MAP3K12: variants seen among roughly 807,000 people sequenced by gnomAD.
MAP3K12 encodes mitogen-activated protein kinase kinase kinase 12.
Under a neutral mutation model 87.5 loss-of-function variants are expected in MAP3K12, and 14 were observed. The ratio of observed to expected loss-of-function variants is 0.16; its 90% confidence interval spans 0.11 to 0.25. MAP3K12 has a LOEUF of 0.25. Ranked by LOEUF, MAP3K12 falls within the 10% of genes least tolerant of loss-of-function variation. MAP3K12 has a pLI of 1.00. For synonymous variants in MAP3K12, 469 were observed against 452.5 expected (o/e 1.04, Z -0.46); for missense variants, 802 against 1,140.4 (o/e 0.70, Z 4.27).
Position 53,485,325 on chromosome 12 carries a change from G to C in MAP3K12, c.972C>G (p.Val324=), listed in dbSNP as rs758013261. The C allele has an allele frequency of 2.0e-5, 32 of 1,613,480 alleles. No homozygotes were observed. The highest frequency in any genetic ancestry group is 2.7e-5 in the Non-Finnish European group (32 of 1,179,692). ...TTCAGCCTAGTTCTCACCAGATGTC[G>C]ACCTTCTCAGACACAGGTTCATTGC... ...VIRNEPVSEK[V]DIWSFGVVLW... Residue 324 remains valine (V), a synonymous_variant, in exon 5 of 14, where the codon GTC becomes GTG. Transcript: ENST00000547488.
chr12:53,501,336 C>A, upstream of MAP3K12: 1 of 1,533,216 alleles, frequency 6.5e-7, no homozygotes, highest in Non-Finnish European at 8.8e-7. Flanking sequence ...GGCCCCGGCC[C>A]TAGCTCGTCG....
Position 53,481,291 on chromosome 12 carries a change from G to A in MAP3K12, c.2581-11C>T, listed in dbSNP as rs1943029723. The A allele has an allele frequency of 6.7e-7, 1 of 1,496,484 alleles. No individual in the cohort carries two copies. The allele number at this position is 1,496,484 out of a possible 1,614,324, so 92.7% of individuals were successfully genotyped here. A position where few individuals can be genotyped will look rare whatever the true frequency, so the allele number is the denominator to read the frequency against. ...AGAATTGGGAGGGCCCTGTGAGAAA[G>A]AGTAGAAATGGAGTGAGATTCCTTG... On this transcript the variant is annotated splice_polypyrimidine_tract_variant and intron_variant, in intron 13 of 13. Coordinates refer to ENST00000547488, the MANE Select transcript of MAP3K12 (RefSeq NM_001193511.2).
chr12:53,487,567 C>A, intron 1 of MAP3K12, 139 bp from the exon 2 acceptor site: 1 of 781,758 alleles, frequency 1.3e-6, no homozygotes, highest in Non-Finnish European at 2.0e-6. Context: ...CTCCGTTTCC[C>A]ATGGCCCTCC....
rs1350090577 is a variant in MAP3K12 at position 53,480,980 on chromosome 12, T to C, written c.*202A>G. Reference sequence around the variant, plus strand: ...TTGCCCTTAGCCACAGCTCTACGGCTGTGCCTCATTCATTTCCACAGCTGC... The same window carrying C: ...TTGCCCTTAGCCACAGCTCTACGGCCGTGCCTCATTCATTTCCACAGCTGC... On this transcript the variant is annotated 3_prime_UTR_variant, in exon 14 of 14. Transcript: ENST00000547488. 5 of 187,946 alleles carry C rather than the reference T, an allele frequency of 2.7e-5. No homozygotes were observed. Among genetic ancestry groups the C allele is most frequent in the Non-Finnish European group, 5.3e-5 (5 of 94,396 alleles). 11.6% of individuals were successfully genotyped at this position (187,946 alleles called of 1,614,324 possible). A position where few individuals can be genotyped will look rare whatever the true frequency, so the allele number is the denominator to read the frequency against.
chr12:53,501,471 C>T (rs1298714282), upstream of MAP3K12: 1 of 1,563,332 alleles, frequency 6.4e-7, no homozygotes, highest in East Asian at 2.4e-5. Context: ...GGTGAGCCGT[C>T]TCGTACCGAT....
intron 1 of MAP3K12, among the ~76,000 whole-genome samples, chr12:53,495,166 C>T (rs934159226): frequency 3.3e-5 from 5 of 151,768 alleles, no homozygotes; most frequent in Non-Finnish European, 7.4e-5. Flanking sequence ...GGGGAAACCC[C>T]GTCTCTACTA....
chr12:53,498,771 ATGGAGGTGAATGCCACAGC>A (rs1167332468), intron 1 of MAP3K12, among the ~76,000 whole-genome samples: 53 of 151,834 alleles, frequency 3.5e-4, no homozygotes, highest in Admixed American at 2.2e-3. Flanking sequence ...CAACAGCTGG[ATGGAGGTGAATGCCACAGC>A]TGGAGGTGAA....
chr12:53,495,166 C>A (rs934159226), intron 1 of MAP3K12, among the ~76,000 whole-genome samples: 1 of 151,768 alleles, frequency 6.6e-6, no homozygotes, highest in Non-Finnish European at 1.5e-5. Context: ...GGGGAAACCC[C>A]GTCTCTACTA....
At position 53,485,355 on chromosome 12, in the gene MAP3K12, C is replaced by A; in HGVS notation, c.942G>T (p.Val314=). 2 of 1,614,148 alleles carry A rather than the reference C, an allele frequency of 1.2e-6. No individual in the cohort carries two copies. Among genetic ancestry groups the A allele is most frequent in the Non-Finnish European group, 1.7e-6 (2 of 1,179,998 alleles). Residue 314 remains valine (V), a synonymous_variant, in exon 5 of 14, where the codon GTG becomes GTT. Transcript: ENST00000547488. ...TCTCAGACACAGGTTCATTGCGGAT[C>A]ACCTCAGGGGCCATCCAGGCTACTG... ...AGTVAWMAPE[V]IRNEPVSEKV...
chr12:53,482,716 C>T lies in MAP3K12; in HGVS notation c.2087G>A (p.Gly696Glu). 11 of 1,614,040 alleles carry T rather than the reference C, an allele frequency of 6.8e-6. No individual in the cohort carries two copies. The highest frequency in any genetic ancestry group is 5.3e-5 in the African/African-American group (4 of 75,060). The change falls in exon 11 of 14, where the codon GGG becomes GAG. Residue 696 changes from glycine to glutamate, a missense_variant. Physicochemically the swap from Gly to Glu is moderately conservative, Grantham distance 98. Coordinates refer to ENST00000547488, the MANE Select transcript of MAP3K12 (RefSeq NM_001193511.2). ...TSPDSPGGAK[G>E]EPPPPVGPGE... ...AGGCCCTACTGGAGGAGGTGGTTCC[C>T]CTTTGGCTCCCCCAGGTGAATCTGG...
At chr12:53,483,517 A>G (rs1374424506) in intron 9 of MAP3K12, 31 bp from the exon 10 acceptor site, 1 of 1,613,994 alleles carries the variant, frequency 6.2e-7, no homozygotes, top group South Asian at 1.1e-5. Context: ...TCAGCTGGGC[A>G]AATGACCAGG....
chr12:53,481,980 GCTGGGT>G lies in MAP3K12; in HGVS notation c.2535_2540del (p.Glu845_Ser847delinsAsp). On this transcript the variant is annotated inframe_deletion, in exon 13 of 14. Transcript: ENST00000547488. ...GTTCCTGGTGTGGAATGGGCAGGGA[GCTGGGT>G]TCAGGGCCAGGGATGACCTCTGAAG... The G allele has an allele frequency of 1.2e-6, 2 of 1,614,172 alleles. No homozygotes were observed. The highest frequency in any genetic ancestry group is 1.7e-6 in the Non-Finnish European group (2 of 1,179,998).
chr12:53,483,319 C>A (rs751038323), intron 10 of MAP3K12, 30 bp downstream of exon 10: 5 of 1,608,980 alleles, frequency 3.1e-6, no homozygotes, highest in Non-Finnish European at 4.2e-6. Context: ...TCCCTCTTGC[C>A]ATATTGGAAC....
upstream of MAP3K12, chr12:53,501,297 C>A: frequency 8.3e-7 from 1 of 1,199,632 alleles, no homozygotes; most frequent in Non-Finnish European, 1.2e-6. Flanking sequence ...TGCCCCGCGG[C>A]GGGCCCTACC....
intron 1 of MAP3K12, among the ~76,000 whole-genome samples, chr12:53,490,347 C>T (rs1021243892): frequency 2.6e-5 from 4 of 152,040 alleles, no homozygotes; most frequent in South Asian, 4.1e-4. Flanking sequence ...GTGGCTCACA[C>T]CTTTAATCCC....
chr12:53,482,270 C>G, intron 12 of MAP3K12, 29 bp downstream of exon 12: 8 of 1,613,702 alleles, frequency 5.0e-6, no homozygotes, highest in Non-Finnish European at 6.8e-6. Context: ...AACAAGAATG[C>G]CATTAATTCT....
chr12:53,487,536 C>T lies in MAP3K12; in HGVS notation c.-37-108G>A, dbSNP rs74541213. ...TGGGGTGCTGGGTTCACAGTAGCCC[C>T]GCTGGAGGTAACACTTGTGGCTCCG... On this transcript the variant is annotated intron_variant, in intron 1 of 13. Transcript: ENST00000547488. 3.1e-3 allele frequency: 3,445 copies of T among 1,109,826 alleles called. 55 individuals are homozygous for T. In the African/African-American group the frequency reaches 0.043, roughly 14 times the overall value. The allele number at this position is 1,109,826 out of a possible 1,614,324, so 68.7% of individuals were successfully genotyped here.
Position 53,491,301 on chromosome 12 carries a change from A to AAAGAAAAAAAAAG in MAP3K12, c.-37-3874_-37-3873insCTTTTTTTTTCTT, listed in dbSNP as rs1555212339. 5.9e-4 allele frequency among the ~76,000 whole-genome samples: 60 copies of AAAGAAAAAAAAAG among 101,604 alleles called. 3 individuals are homozygous for AAAGAAAAAAAAAG. The highest frequency in any genetic ancestry group is 2.2e-3 in the African/African-American group (58 of 26,634). 66.7% of individuals were successfully genotyped at this position (101,604 alleles called of 152,430 possible). A position where few individuals can be genotyped will look rare whatever the true frequency, so the allele number is the denominator to read the frequency against. ...AGACTCTGTCTCAAAAAAAAAAAAAAAAAAGAAAAGAAAAGAAAAACAGGC... is the reference window on the plus strand; with the variant it reads ...AGACTCTGTCTCAAAAAAAAAAAAAAAAGAAAAAAAAAGAAAAGAAAAGAAAAGAAAAACAGGC... On this transcript the variant is annotated intron_variant, in intron 1 of 13. Coordinates refer to ENST00000547488, the MANE Select transcript of MAP3K12 (RefSeq NM_001193511.2).
chr12:53,497,645 T>C (rs1243735346), intron 1 of MAP3K12, among the ~76,000 whole-genome samples: 1 of 152,130 alleles, frequency 6.6e-6, no homozygotes, highest in Non-Finnish European at 1.5e-5. Flanking sequence ...CAGTCAACAG[T>C]GTGAGTGAAT....
Sources: allele counts gnomAD v4.1 joint callset (sites outside exome capture counted in the v4.1 genomes callset), GRCh38; gene constraint gnomAD v4.1.1; transcripts MANE v1.5; gene names NCBI Gene and HGNC (gene_info 2026-07-23, HGNC 2026-07-21).